The following SH3RF3 variants were observed in gnomAD, a reference collection of about 807,000 sequenced individuals.
The protein encoded by SH3RF3 is SH3 domain containing ring finger 3.
Under a neutral mutation model 66.3 loss-of-function variants are expected in SH3RF3, and 29 were observed. The ratio of observed to expected loss-of-function variants is 0.44; its 90% CI spans 0.33 to 0.60. SH3RF3 has a LOEUF of 0.60. SH3RF3 is among the 20% of genes least tolerant of loss of function. The probability of loss-of-function intolerance (pLI) is 0.04; values close to 1 mark genes in which losing one functional copy is unlikely to be tolerated. For missense variants in SH3RF3, 1,194 were observed against 1,190.9 expected, an observed-to-expected ratio of 1.00 and a Z score of -0.04; for synonymous variants, 583 against 532.0, an observed-to-expected ratio of 1.10 and a Z score of -1.32.
At chr2:109,371,537 T>G in intron 2 of SH3RF3, 49 bp from the exon 3 acceptor site, 3 of 1,517,988 alleles carry the variant, frequency 2.0e-6, no homozygotes, top group Non-Finnish European at 2.7e-6. Context: ...TCCTTTTTCA[T>G]TGTGTGTGTG....
intron 7 of SH3RF3, among the ~76,000 whole-genome samples, chr2:109,437,850 A>T (rs778675098): frequency 1.3e-5 from 2 of 152,192 alleles, no homozygotes; most frequent in Non-Finnish European, 2.9e-5. Flanking sequence ...AGAACTGCTG[A>T]TGCTGGATTC....
chr2:109,295,299 A>T (rs1384758175), intron 1 of SH3RF3, among the ~76,000 whole-genome samples: 1 of 152,140 alleles, frequency 6.6e-6, no homozygotes, highest in Non-Finnish European at 1.5e-5. Flanking sequence ...TGTCATCCCC[A>T]ATTTGTAGAT....
chr2:109,291,573 C>T (rs948478471), intron 1 of SH3RF3, among the ~76,000 whole-genome samples: 1 of 152,240 alleles, frequency 6.6e-6, no homozygotes, highest in Non-Finnish European at 1.5e-5. Flanking sequence ...GAAGCTCCTG[C>T]CACTGTCCCT....
intron 1 of SH3RF3, among the ~76,000 whole-genome samples, chr2:109,207,822 T>A (rs1196696758): frequency 7.2e-5 from 11 of 152,104 alleles, no homozygotes; most frequent in South Asian, 4.2e-4. Context: ...TTTTCTTTTT[T>A]AAAAAAAATT....
intron 1 of SH3RF3, among the ~76,000 whole-genome samples, chr2:109,202,064 C>T (rs1336766928): frequency 2.0e-5 from 3 of 151,982 alleles, no homozygotes; most frequent in Non-Finnish European, 2.9e-5. Context: ...CTCGTGACAG[C>T]ACAGCTGGCA....
chr2:109,330,502 G>A (rs921113303), intron 1 of SH3RF3, among the ~76,000 whole-genome samples: 1 of 152,096 alleles, frequency 6.6e-6, no homozygotes, highest in Non-Finnish European at 1.5e-5. Context: ...TGGGGGGCAG[G>A]GGGTGTCCCC....
chr2:109,486,765 G>A (rs1273220871), intron 8 of SH3RF3, among the ~76,000 whole-genome samples: 1 of 152,182 alleles, frequency 6.6e-6, no homozygotes, highest in African/African-American at 2.4e-5. Context: ...AGGGCACTGG[G>A]TGGTGGGGAG....
At position 109,251,785 on chromosome 2, in the gene SH3RF3, TTAGA is replaced by T. The variant is rs1330613184; in HGVS notation, c.574-95886_574-95883del. On this transcript the variant is annotated intron_variant, in intron 1 of 9. Transcript: ENST00000309415. ...ACTTTTGTAATAGTCAAAAAAAGAATTAGATAATACTAAAAAATACCAAATATTT... is the reference window on the plus strand; with the variant it reads ...ACTTTTGTAATAGTCAAAAAAAGAATTAATACTAAAAAATACCAAATATTT... 2.2e-4 allele frequency: 114 copies of T among 524,446 alleles called. No homozygotes were observed. In the Admixed American group the frequency reaches 2.7e-3, roughly 13 times the overall value. The allele number at this position is 524,446 out of a possible 1,614,324, so 32.5% of individuals were successfully genotyped here. A position where few individuals can be genotyped will look rare whatever the true frequency, so the allele number is the denominator to read the frequency against.
chr2:109,284,447 A>G (rs1680976571), intron 1 of SH3RF3, among the ~76,000 whole-genome samples: 1 of 152,108 alleles, frequency 6.6e-6, no homozygotes, highest in African/African-American at 2.4e-5. Context: ...GGGCGTGTGG[A>G]CTGGGAGGCA....
intron 1 of SH3RF3, among the ~76,000 whole-genome samples, chr2:109,270,623 C>A (rs1680603153): frequency 6.6e-6 from 1 of 152,188 alleles, no homozygotes; most frequent in African/African-American, 2.4e-5. Flanking sequence ...CAGGGCATGA[C>A]CCAGAGATAC....
intron 1 of SH3RF3, among the ~76,000 whole-genome samples, chr2:109,182,629 A>G (rs1345568162): frequency 1.3e-5 from 2 of 152,252 alleles, no homozygotes; most frequent in Non-Finnish European, 1.5e-5. Context: ...TGGTGACTAA[A>G]GGAATGAATG....
chr2:109,475,269 G>T (rs991937856), intron 8 of SH3RF3, among the ~76,000 whole-genome samples: 1 of 152,196 alleles, frequency 6.6e-6, no homozygotes, highest in Non-Finnish European at 1.5e-5. Flanking sequence ...GAGCCACCAC[G>T]CCCGGCTTCA....
Position 109,504,356 on chromosome 2 carries a change from C to T in SH3RF3, c.*2685C>T, listed in dbSNP as rs1201209317. ...ACCGAGGGGACAGGACTGCAGGCCACCAGGGGCCTCTGCCCAGAGGGAGGC... is the reference window on the plus strand; with the variant it reads ...ACCGAGGGGACAGGACTGCAGGCCATCAGGGGCCTCTGCCCAGAGGGAGGC... On this transcript the variant is annotated 3_prime_UTR_variant, in exon 10 of 10. Transcript: ENST00000309415. The T allele has an allele frequency of 1.3e-5, 2 of 152,224 alleles. No homozygotes were observed. The highest frequency in any genetic ancestry group is 2.9e-5 in the Non-Finnish European group (2 of 68,070). The allele number at this position is 152,224 out of a possible 1,614,324, so 9.4% of individuals were successfully genotyped here.
intron 1 of SH3RF3, among the ~76,000 whole-genome samples, chr2:109,249,081 A>G (rs1459803257): frequency 6.6e-6 from 1 of 152,034 alleles, no homozygotes; most frequent in Non-Finnish European, 1.5e-5. Flanking sequence ...ACAGCTCACT[A>G]TGTTGCCTAG....
chr2:109,215,386 C>G (rs934195442), intron 1 of SH3RF3, among the ~76,000 whole-genome samples: 1 of 152,092 alleles, frequency 6.6e-6, no homozygotes, highest in Non-Finnish European at 1.5e-5. Context: ...GGAGAAGGTA[C>G]GTTGATAAAG....
At chr2:109,135,560 C>T (rs1300965145) in intron 1 of SH3RF3, among the ~76,000 whole-genome samples, 2 of 152,180 alleles carry the variant, frequency 1.3e-5, no homozygotes, top group African/African-American at 4.8e-5. Context: ...TCTCTTATCA[C>T]GCGTGAGGCA....
intron 2 of SH3RF3, among the ~76,000 whole-genome samples, chr2:109,351,100 G>A (rs938687920): frequency 3.2e-4 from 48 of 152,198 alleles, no homozygotes; most frequent in Non-Finnish European, 5.6e-4. Context: ...GCTTTAAAAA[G>A]TGATATTTTA....
At chr2:109,411,630 G>T (rs1272407527) in intron 4 of SH3RF3, among the ~76,000 whole-genome samples, 1 of 152,158 alleles carries the variant, frequency 6.6e-6, no homozygotes, top group Non-Finnish European at 1.5e-5. Flanking sequence ...ATATCCCTGA[G>T]GGCAGAGCCC....
intron 5 of SH3RF3, among the ~76,000 whole-genome samples, chr2:109,424,216 G>T (rs1390120781): frequency 6.6e-6 from 1 of 152,222 alleles, no homozygotes; most frequent in Non-Finnish European, 1.5e-5. Context: ...CAGCCCTGCG[G>T]AGTTTCCCCA....
Sources: gnomAD v4.1 joint callset for allele counts (sites outside exome capture counted in the v4.1 genomes callset) on GRCh38, gnomAD v4.1.1 for gene constraint, MANE v1.5 for transcripts, NCBI Gene and HGNC (gene_info 2026-07-23, HGNC 2026-07-21) for gene names.